Variants in AGMO observed in about 807,000 individuals in gnomAD.
AGMO encodes the protein glyceryl-ether monooxygenase.
Under a neutral mutation model 60.2 loss-of-function variants are expected in AGMO, and 75 were observed. The ratio of observed to expected loss-of-function variants is 1.25; its 90% confidence interval spans 1.03 to 1.51. The LOEUF is 1.51. Among genes scored for constraint, AGMO ranks in the 40% most tolerant of loss-of-function variants. The pLI is 0.00. For synonymous variants in AGMO, 261 were observed against 177.1 expected (o/e 1.47, Z -3.76); for missense variants, 763 against 525.5 (o/e 1.45, Z -4.42).
intron 12 of AGMO, among the ~76,000 whole-genome samples, chr7:15,238,340 T>C (rs1237595366): frequency 1.3e-5 from 2 of 151,970 alleles, no homozygotes; most frequent in Non-Finnish European, 2.9e-5. Context: ...AGTTATAGTA[T>C]TCAAAAGTTC....
chr7:15,240,485 A>T (rs1355633779), intron 12 of AGMO, among the ~76,000 whole-genome samples: 1 of 152,156 alleles, frequency 6.6e-6, no homozygotes, highest in East Asian at 1.9e-4. Context: ...ATTTTCTTTC[A>T]TACACGTAGG....
At chr7:15,263,636 A>G (rs1338163332) in intron 12 of AGMO, among the ~76,000 whole-genome samples, 2 of 152,158 alleles carry the variant, frequency 1.3e-5, no homozygotes, top group African/African-American at 4.8e-5. Context: ...TTATAGCAGC[A>G]CAATTTGCAA....
intron 12 of AGMO, among the ~76,000 whole-genome samples, chr7:15,329,353 C>T (rs1447175242): frequency 6.6e-6 from 1 of 152,084 alleles, no homozygotes; most frequent in African/African-American, 2.4e-5. Context: ...GAAATCCAGG[C>T]ACATAGGTGA....
chr7:15,472,039 C>T (rs1459208253), intron 3 of AGMO, among the ~76,000 whole-genome samples: 5 of 151,798 alleles, frequency 3.3e-5, no homozygotes, highest in Admixed American at 2.6e-4. Context: ...TACAGCCATT[C>T]AAAATGCTGA....
intron 3 of AGMO, among the ~76,000 whole-genome samples, chr7:15,454,613 T>A (rs568490549): frequency 1.3e-5 from 2 of 152,204 alleles, no homozygotes; most frequent in South Asian, 4.2e-4. Context: ...GTGTGTGTAA[T>A]TAAAGATTAT....
Position 15,355,122 on chromosome 7 carries a change from T to C in AGMO, c.1263+10392A>G, listed in dbSNP as rs117594093. Among the ~76,000 whole-genome samples the C allele has an allele frequency of 4.3e-4, 65 of 152,260 alleles. No individual in the cohort carries two copies. In the East Asian group the frequency reaches 0.011, roughly 26 times the overall value. ...TGATGTAGGGTGAATTTGGGATTAA[T>C]TTTAAATGTGAGTATCCTCCCCTAT... On this transcript the variant is annotated intron_variant, in intron 12 of 12. Transcript: ENST00000342526.
At chr7:15,351,629 T>C (rs1368940117) in intron 12 of AGMO, among the ~76,000 whole-genome samples, 1 of 152,178 alleles carries the variant, frequency 6.6e-6, no homozygotes, top group Non-Finnish European at 1.5e-5. Flanking sequence ...TCCAGATAGC[T>C]GAGTTGTTAC....
chr7:15,554,895 A>G (rs1785080847), intron 2 of AGMO, among the ~76,000 whole-genome samples: 1 of 151,304 alleles, frequency 6.6e-6, no homozygotes, highest in East Asian at 2.0e-4. Flanking sequence ...TCACTCTTTC[A>G]GTGTCTAAGG....
chr7:15,522,419 T>TGGAA (rs1167182293), intron 3 of AGMO, among the ~76,000 whole-genome samples: 1 of 152,160 alleles, frequency 6.6e-6, no homozygotes, highest in Non-Finnish European at 1.5e-5. Flanking sequence ...AGAAGAAAGC[T>TGGAA]GGAAGCATCA....
chr7:15,335,381 T>G (rs528311322), intron 12 of AGMO, among the ~76,000 whole-genome samples: 55 of 152,300 alleles, frequency 3.6e-4, no homozygotes, highest in African/African-American at 1.2e-3. Context: ...GTTCAACCCA[T>G]TTGAATATTT....
the AGMO span, among the ~76,000 whole-genome samples, chr7:15,145,016 G>C: frequency 6.6e-6 from 1 of 152,136 alleles, no homozygotes; most frequent in Non-Finnish European, 1.5e-5. Context: ...TTTTAGTAGG[G>C]ACGGGGTTTC....
chr7:15,397,048 A>G (rs1335163341), intron 5 of AGMO, among the ~76,000 whole-genome samples: 2 of 152,072 alleles, frequency 1.3e-5, no homozygotes, highest in Admixed American at 6.5e-5. Context: ...TCTCCAAGTC[A>G]CCACCGGTCC....
intron 3 of AGMO, among the ~76,000 whole-genome samples, chr7:15,438,780 G>T (rs932158315): frequency 6.6e-6 from 1 of 152,164 alleles, no homozygotes; most frequent in Non-Finnish European, 1.5e-5. Flanking sequence ...ACTGAACCAG[G>T]CTGTGAGTGA....
intron 3 of AGMO, among the ~76,000 whole-genome samples, chr7:15,507,553 G>C (rs1783549697): frequency 1.3e-5 from 2 of 152,152 alleles, no homozygotes; most frequent in African/African-American, 4.8e-5. Flanking sequence ...AAATTACAAG[G>C]AAATGGAAAT....
intron 3 of AGMO, among the ~76,000 whole-genome samples, chr7:15,543,765 T>G (rs891371156): frequency 6.6e-6 from 1 of 151,918 alleles, no homozygotes; most frequent in African/African-American, 2.4e-5. Flanking sequence ...ATATAATGAT[T>G]TCTTTTCCTC....
intron 3 of AGMO, among the ~76,000 whole-genome samples, chr7:15,448,475 A>C (rs1337867695): frequency 6.6e-6 from 1 of 152,174 alleles, no homozygotes; most frequent in Non-Finnish European, 1.5e-5. Flanking sequence ...TTTATAAGCC[A>C]CTTGGTTTAT....
At chr7:15,499,014 T>C (rs1442956429) in intron 3 of AGMO, among the ~76,000 whole-genome samples, 1 of 151,962 alleles carries the variant, frequency 6.6e-6, no homozygotes, top group Non-Finnish European at 1.5e-5. Flanking sequence ...TTAGCATGCA[T>C]AGAGTTACAG....
At chr7:15,560,094 A>T (rs1249239345) in intron 2 of AGMO, 47 bp downstream of exon 2, 1 of 1,499,902 alleles carries the variant, frequency 6.7e-7, no homozygotes, top group Non-Finnish European at 9.0e-7. Context: ...CCTCATACTT[A>T]GGCAATTTCA....
At position 15,222,885 on chromosome 7, in the gene AGMO, A is replaced by G. The variant is rs192660447; in HGVS notation, c.1264-21526T>C. Among the ~76,000 whole-genome samples, 286 of 152,128 alleles carry G rather than the reference A, an allele frequency of 1.9e-3. 2 individuals carry two copies. Among genetic ancestry groups the G allele is most frequent in the African/African-American group, 6.5e-3 (271 of 41,568 alleles). On this transcript the variant is annotated intron_variant, in intron 12 of 12. Transcript: ENST00000342526. The stretch of plus-strand genomic sequence containing the variant: ...TTTCCCCAACATGCGTAACAAAAAT[A>G]TCATCAATGAAACGTAGTTAACATT...
Sources: allele counts gnomAD v4.1 joint callset (sites outside exome capture counted in the v4.1 genomes callset), GRCh38; gene constraint gnomAD v4.1.1; transcripts MANE v1.5; gene names NCBI Gene and HGNC (gene_info 2026-07-23, HGNC 2026-07-21).